The following BANK1 variants were observed in gnomAD, a reference collection of about 807,000 sequenced individuals.
BANK1 encodes the protein B-cell scaffold protein with ankyrin repeats.
In BANK1, 95 loss-of-function variants were observed where a neutral mutation model predicts 94.5. That is an observed-to-expected ratio of 1.00 (90% CI 0.85 to 1.19). BANK1 has a LOEUF of 1.19. Ranked by LOEUF, BANK1 falls within the 50% of genes most tolerant of loss-of-function variation. The pLI, the probability that BANK1 is intolerant of heterozygous loss-of-function variation, is 0.00. For missense variants in BANK1, 987 were observed against 932.2 expected, an observed-to-expected ratio of 1.06 and a Z score of -0.77; for synonymous variants, 334 against 308.4, an observed-to-expected ratio of 1.08 and a Z score of -0.87.
chr4:101,887,820 A>G (rs1421163256), intron 5 of BANK1, among the ~76,000 whole-genome samples: 1 of 152,206 alleles, frequency 6.6e-6, no homozygotes, highest in African/African-American at 2.4e-5. Flanking sequence ...CATTCAAAAC[A>G]GAAAATTAAG....
At chr4:101,917,888 C>A in intron 6 of BANK1, 105 bp from the exon 7 acceptor site, 1 of 716,256 alleles carries the variant, frequency 1.4e-6, no homozygotes, top group Non-Finnish European at 2.2e-6. Flanking sequence ...AAAAAGTCTG[C>A]TGTGCTTTAT....
intron 7 of BANK1, among the ~76,000 whole-genome samples, chr4:101,931,656 T>G (rs946020104): frequency 1.3e-5 from 2 of 151,600 alleles, no homozygotes; most frequent in Admixed American, 6.6e-5. Flanking sequence ...TGGTGAACTT[T>G]GAATAGCACA....
At chr4:102,040,062 T>G (rs1727654320) in intron 10 of BANK1, among the ~76,000 whole-genome samples, 1 of 152,052 alleles carries the variant, frequency 6.6e-6, no homozygotes, top group African/African-American at 2.4e-5. Context: ...ATTTATCAGA[T>G]TTTCTAAGAA....
chr4:101,905,873 T>C (rs1488320037), intron 6 of BANK1, among the ~76,000 whole-genome samples: 3 of 152,188 alleles, frequency 2.0e-5, no homozygotes, highest in African/African-American at 7.2e-5. Context: ...GTAACCAAAC[T>C]ATAAAATCAA....
At position 102,031,796 on chromosome 4, in the gene BANK1, CA is replaced by C. The variant is rs565504112; in HGVS notation, c.1900+1535del. ...ATTACTCATATATACTTAATATTTT[CA>C]AAAGAAACCATTCTGTTCCTTAAGC... is the stretch of plus-strand genomic sequence containing the variant. On this transcript the variant is annotated intron_variant, in intron 10 of 16. Coordinates refer to ENST00000322953, the MANE Select transcript of BANK1 (RefSeq NM_017935.5). Among the ~76,000 whole-genome samples the C allele has an allele frequency of 7.6e-4, 116 of 152,180 alleles. 1 individual carries two copies. Among genetic ancestry groups the C allele is most frequent in the African/African-American group, 2.7e-3 (111 of 41,540 alleles).
chr4:101,844,360 A>AG (rs1218705139), intron 2 of BANK1, among the ~76,000 whole-genome samples: 2 of 152,220 alleles, frequency 1.3e-5, no homozygotes, highest in African/African-American at 4.8e-5. Flanking sequence ...GCCTATATGA[A>AG]GGAATGAAAG....
chr4:102,028,350 T>G (rs1056634384), intron 9 of BANK1, among the ~76,000 whole-genome samples: 1 of 152,242 alleles, frequency 6.6e-6, no homozygotes, highest in African/African-American at 2.4e-5. Flanking sequence ...CAAGCCGTGG[T>G]GAATTGAAAG....
Position 101,851,975 on chromosome 4 carries a change from G to C in BANK1, c.470-3060G>C, listed in dbSNP as rs142613887. Among the ~76,000 whole-genome samples the C allele has an allele frequency of 4.1e-3, 621 of 152,178 alleles. 4 individuals are homozygous for C. The highest frequency in any genetic ancestry group is 0.014 in the African/African-American group (563 of 41,540). On this transcript the variant is annotated intron_variant, in intron 2 of 16. Transcript: ENST00000322953. ...CTTCTGCTCTTTGAATTTTGAGTTC[G>C]TGGTTTCTTCAGTTTTGGAAAGTAA...
intron 7 of BANK1, among the ~76,000 whole-genome samples, chr4:101,964,012 A>G (rs564545599): frequency 6.6e-6 from 1 of 152,248 alleles, no homozygotes; most frequent in South Asian, 2.1e-4. Context: ...AAATCATTTG[A>G]TGTGAACTGT....
intron 5 of BANK1, among the ~76,000 whole-genome samples, chr4:101,873,551 A>C (rs1728377757): frequency 6.6e-6 from 1 of 152,204 alleles, no homozygotes; most frequent in Non-Finnish European, 1.5e-5. Flanking sequence ...GCGTTCTGTG[A>C]ATTTGAGAAA....
chr4:102,073,490 A>G (rs1728822226), intron 15 of BANK1, among the ~76,000 whole-genome samples, 194 bp from the exon 16 acceptor site: 1 of 152,046 alleles, frequency 6.6e-6, no homozygotes, highest in Admixed American at 6.5e-5. Context: ...TTTGAATTCA[A>G]GGACTCGGAT....
intron 10 of BANK1, chr4:102,032,245 A>C (rs1201095376): frequency 6.6e-6 from 1 of 152,206 alleles, no homozygotes; most frequent in African/African-American, 2.4e-5. Context: ...GGAGTTTCTC[A>C]GGACAAGAAT....
chr4:101,911,778 G>T (rs2148897778), intron 6 of BANK1, among the ~76,000 whole-genome samples: 1 of 152,230 alleles, frequency 6.6e-6, no homozygotes, highest in African/African-American at 2.4e-5. Flanking sequence ...GCTATTAGCA[G>T]AATGAAAAAT....
At chr4:101,984,106 A>G (rs1725410016) in intron 7 of BANK1, among the ~76,000 whole-genome samples, 1 of 152,066 alleles carries the variant, frequency 6.6e-6, no homozygotes, top group Non-Finnish European at 1.5e-5. Flanking sequence ...CATTTATATT[A>G]CAAGAAACTA....
At chr4:101,811,383 G>C (rs1725726084) in intron 1 of BANK1, among the ~76,000 whole-genome samples, 2 of 151,886 alleles carry the variant, frequency 1.3e-5, no homozygotes, top group Admixed American at 1.3e-4. Context: ...GTTGGGATAG[G>C]ATCATATGGA....
rs533946917 is a variant in BANK1, at chr4:101,970,069, T to TC, written c.1207-51444dup. On this transcript the variant is annotated intron_variant, in intron 7 of 16. Coordinates refer to ENST00000322953, the MANE Select transcript of BANK1 (RefSeq NM_017935.5). ...TTAAAGGATTTTACCAGCTGCTTGA[T>TC]CTTGGGTAAGTTATTTCACCTCTCT... Among the ~76,000 whole-genome samples the TC allele has an allele frequency of 3.9e-5, 6 of 152,110 alleles. No homozygotes were observed. The South Asian group carries it at 1.2e-3, about 32-fold the overall frequency.
At chr4:101,843,174 A>G (rs937744233) in intron 2 of BANK1, among the ~76,000 whole-genome samples, 4 of 152,198 alleles carry the variant, frequency 2.6e-5, no homozygotes, top group African/African-American at 9.6e-5. Flanking sequence ...CCACTTTTTT[A>G]ATGTACCATC....
At chr4:101,851,528 T>C (rs1379034146) in intron 2 of BANK1, among the ~76,000 whole-genome samples, 2 of 152,008 alleles carry the variant, frequency 1.3e-5, no homozygotes, top group African/African-American at 4.8e-5. Context: ...TGAATTTGGG[T>C]GGGAGATAGA....
rs745712253 is a variant in BANK1, at chr4:102,025,443, CCT to C, written c.1532_1533del (p.Leu511ProfsTer8). The C allele has an allele frequency of 7.9e-5, 127 of 1,613,870 alleles. No individual in the cohort carries two copies. Among genetic ancestry groups the C allele is most frequent in the Non-Finnish European group, 1.0e-4 (122 of 1,179,982 alleles). On this transcript the variant is annotated frameshift_variant, in exon 9 of 17. Coordinates refer to ENST00000322953, the MANE Select transcript of BANK1 (RefSeq NM_017935.5). LOFTEE classifies it high-confidence loss of function. ...SQEPLMSSRP[P>X]LPPPRPVANA... is the part of the protein sequence containing the mutation. ...AGAGCCACTCATGAGCAGCAGACCT[CCT>C]CTCCCCCCGCCGCGACCTGTAGCTA...
Sources: gnomAD v4.1 joint callset for allele counts (sites outside exome capture counted in the v4.1 genomes callset) on GRCh38, gnomAD v4.1.1 for gene constraint, MANE v1.5 for transcripts, NCBI Gene and HGNC (gene_info 2026-07-23, HGNC 2026-07-21) for gene names.